Variants in PRDM15 observed in about 807,000 individuals in gnomAD.
PRDM15 encodes the protein PR domain zinc finger protein 15.
PRDM15 carries 64 observed loss-of-function variants against 128.6 expected under a neutral mutation model. The ratio of observed to expected loss-of-function variants is 0.50; its 90% CI spans 0.41 to 0.61. The LOEUF is 0.61. Ranked by LOEUF, PRDM15 falls within the 20% of genes least tolerant of loss-of-function variation. PRDM15 has a pLI of 0.00. For missense variants in PRDM15, 1,242 were observed against 1,569.1 expected (o/e 0.79, Z 3.52); for synonymous variants, 615 against 621.8 (o/e 0.99, Z 0.16).
intron 1 of PRDM15, among the ~76,000 whole-genome samples, chr21:41,878,027 A>C (rs2064483094): frequency 6.6e-6 from 1 of 152,248 alleles, no homozygotes; most frequent in South Asian, 2.1e-4. Context: ...GAAACAAAAT[A>C]CGGTAGTGGT....
chr21:41,861,109 T>A (rs1473666911), intron 1 of PRDM15, among the ~76,000 whole-genome samples: 3 of 152,224 alleles, frequency 2.0e-5, no homozygotes, highest in Non-Finnish European at 4.4e-5. Context: ...GTGCTGGGAT[T>A]ATGGCACAAG....
In PRDM15 at chr21:41,838,001, C is replaced by T. The variant is rs1463061277; in HGVS notation, c.934G>A (p.Glu312Lys). The T allele has an allele frequency of 1.2e-6, 2 of 1,614,086 alleles. No individual in the cohort carries two copies. Among genetic ancestry groups the T allele is most frequent in the Non-Finnish European group, 1.7e-6 (2 of 1,180,018 alleles). The change falls in exon 8 of 24, where the codon GAG (glutamate) becomes AAG (lysine). Residue 312 changes from glutamate (E) to lysine (K), a missense_variant. By Grantham distance (56) the Glu-to-Lys change is moderately conservative. Coordinates refer to ENST00000398548, the MANE Select transcript of PRDM15 (RefSeq NM_001040424.3). ...PDEPVSATPD[E>K]RIMELVLGKL... is the part of the protein sequence containing the mutation. ...CCCAGAACCAGCTCCATGATCCGCT[C>T]ATCTGGCGTTGCACTCACAGGCTCA...
intron 1 of PRDM15, among the ~76,000 whole-genome samples, chr21:41,874,502 C>CATATATATATATATATATATATAT (rs756151491): frequency 8.4e-6 from 1 of 118,686 alleles, no homozygotes; most frequent in African/African-American, 3.1e-5. Context: ...AAGCAGCATG[C>CATATATATATATATATATATATAT]ATATATATAT....
intron 10 of PRDM15, among the ~76,000 whole-genome samples, chr21:41,835,752 C>G (rs916644179): frequency 6.6e-6 from 1 of 151,578 alleles, no homozygotes; most frequent in Admixed American, 6.6e-5. Flanking sequence ...CCAAACACCC[C>G]CATTCTCCTG....
chr21:41,821,224 A>C lies in PRDM15; in HGVS notation c.1903T>G (p.Phe635Val), dbSNP rs2062251161. 6.2e-7 allele frequency: 1 copy of C among 1,614,092 alleles called. No homozygotes were observed. Among genetic ancestry groups the C allele is most frequent in the Non-Finnish European group, 8.5e-7 (1 of 1,180,008 alleles). The change falls in exon 16 of 24, where the codon TTC (phenylalanine) becomes GTC (valine). Residue 635 changes from phenylalanine (F) to valine (V), a missense_variant. Coordinates refer to ENST00000398548, the MANE Select transcript of PRDM15 (RefSeq NM_001040424.3). This position sits in a 1 kb window ranked among gnomAD's most constrained non-coding sequence, Gnocchi z 5.4. ...KYSCKRCQLT[F>V]GRGKEYLKHI... is the part of the protein sequence containing the mutation. ...TTCAGGTACTCCTTCCCCCGGCCGAAGGTGAGCTGCGGGCCAGGTGGACAG... is the reference window on the plus strand; with the variant it reads ...TTCAGGTACTCCTTCCCCCGGCCGACGGTGAGCTGCGGGCCAGGTGGACAG...
intron 1 of PRDM15, chr21:41,871,796 C>T (rs1004497847): frequency 7.8e-6 from 5 of 638,836 alleles, no homozygotes; most frequent in African/African-American, 7.3e-5. Context: ...GTTTCATCAC[C>T]TCTCCAGCAC....
chr21:41,826,205 C>G, intron 12 of PRDM15, 151 bp from the exon 13 acceptor site: 1 of 624,008 alleles, frequency 1.6e-6, no homozygotes, highest in Admixed American at 2.8e-5. Flanking sequence ...TAAGTAACAT[C>G]ACTTGCACAC....
intron 18 of PRDM15, among the ~76,000 whole-genome samples, chr21:41,819,256 C>T (rs548530764): frequency 8.5e-5 from 13 of 152,354 alleles, no homozygotes; most frequent in Middle Eastern, 6.8e-3. Context: ...ATACCTTGGT[C>T]ACATCCCCTT....
intron 11 of PRDM15, chr21:41,834,392 GGT>G: frequency 2.2e-6 from 2 of 927,728 alleles, no homozygotes; most frequent in Non-Finnish European, 3.4e-6. Flanking sequence ...CGCTGCTGCA[GGT>G]GCCCTGTTCT....
intron 11 of PRDM15, 27 bp downstream of exon 11, chr21:41,835,410 G>C (rs370723572): frequency 5.7e-6 from 9 of 1,584,098 alleles, no homozygotes; most frequent in Non-Finnish European, 6.9e-6. Flanking sequence ...CACAGCGGCC[G>C]AGGGGAGACG....
chr21:41,831,642 T>C (rs1329680310), intron 11 of PRDM15, among the ~76,000 whole-genome samples: 2 of 152,170 alleles, frequency 1.3e-5, no homozygotes, highest in Admixed American at 6.5e-5. Flanking sequence ...GGACAAGGCA[T>C]GGCCGACAGC....
chr21:41,861,225 G>A (rs965293614), intron 1 of PRDM15, among the ~76,000 whole-genome samples: 2 of 152,170 alleles, frequency 1.3e-5, no homozygotes, highest in East Asian at 1.9e-4. Flanking sequence ...CTTCTCTGGG[G>A]ACTAAATCAA....
chr21:41,849,699 G>A (rs1472766073), intron 5 of PRDM15, among the ~76,000 whole-genome samples: 3 of 152,252 alleles, frequency 2.0e-5, no homozygotes, highest in Non-Finnish European at 2.9e-5. Context: ...CACTTTGGGA[G>A]GTTGAGGCAG....
In PRDM15 at chr21:41,811,170, T is replaced by G; in HGVS notation, c.2393-334A>C. The G allele has an allele frequency of 3.5e-6, 1 of 287,746 alleles. No individual in the cohort carries two copies. Among genetic ancestry groups the G allele is most frequent in the Non-Finnish European group, 6.8e-6 (1 of 146,594 alleles). The allele number at this position is 287,746 out of a possible 1,614,324, so 17.8% of individuals were successfully genotyped here. A position where few individuals can be genotyped will look rare whatever the true frequency, so the allele number is the denominator to read the frequency against. On this transcript the variant is annotated intron_variant, in intron 19 of 23. Coordinates refer to ENST00000398548, the MANE Select transcript of PRDM15 (RefSeq NM_001040424.3). The surrounding 1 kb of genome is among the most constrained non-coding windows in gnomAD (Gnocchi z 4.1). ...AGCATTAATGTATCCACACCTCCCT[T>G]AGTCCAGGAAGCTCTTAGGCAGCAC...
intron 21 of PRDM15, among the ~76,000 whole-genome samples, chr21:41,807,520 C>T (rs978230440): frequency 6.6e-5 from 10 of 152,182 alleles, no homozygotes; most frequent in African/African-American, 2.2e-4. Flanking sequence ...AAAGCTGACC[C>T]GAGTCCCCTT....
In PRDM15 at chr21:41,821,142, C is replaced by A; in HGVS notation, c.1985G>T (p.Arg662Leu). Residue 662 changes from arginine to leucine, a missense_variant, in exon 16 of 24, where the codon CGC (arginine) becomes CTC (leucine). This residue lies in a region of PRDM15 where 602 missense variants were observed against 788.3 expected (regional missense o/e 0.76). Coordinates refer to ENST00000398548, the MANE Select transcript of PRDM15 (RefSeq NM_001040424.3). The surrounding 1 kb of genome is among the most constrained non-coding windows in gnomAD (Gnocchi z 5.4). ...GTGGTAGGTGGCCTTCAGTGCAAAG[C>A]GCCGGTTGCAGATGCTGCAGCCATA... ...KGYGCSICNR[R>L]FALKATYHAH... The A allele has an allele frequency of 6.2e-7, 1 of 1,614,212 alleles. No homozygotes were observed. The highest frequency in any genetic ancestry group is 8.5e-7 in the Non-Finnish European group (1 of 1,180,038).
Position 41,801,555 on chromosome 21 carries a change from G to T in PRDM15, c.3111C>A (p.Asp1037Glu). The stretch of plus-strand genomic sequence containing the variant: ...CAAAGGTCACGGTCAGGATTGAGTT[G>T]TCCAGCTGTAACTGGCGTTCAGGGG... ...LTTPERQLQL[D>E]NSILTVTFDT... The change falls in exon 24 of 24, where the codon GAC (aspartate) becomes GAA (glutamate). Residue 1037 changes from aspartate to glutamate, a missense_variant. Asp to Glu is a conservative substitution (Grantham distance 45). Around this residue, in one of 3 missense-constraint regions of PRDM15, gnomAD observed 602 missense variants for 788.3 expected, o/e 0.76. Coordinates refer to ENST00000398548, the MANE Select transcript of PRDM15 (RefSeq NM_001040424.3). 1 of 1,614,216 alleles carries T rather than the reference G, an allele frequency of 6.2e-7. No individual in the cohort carries two copies. The highest frequency in any genetic ancestry group is 8.5e-7 in the Non-Finnish European group (1 of 1,180,034).
chr21:41,852,165 T>C (rs913426640), intron 5 of PRDM15, among the ~76,000 whole-genome samples: 6 of 152,250 alleles, frequency 3.9e-5, no homozygotes, highest in African/African-American at 9.6e-5. Flanking sequence ...GAAACACCTG[T>C]AGCTCCAATA....
Position 41,854,858 on chromosome 21 carries a change from C to A in PRDM15, c.286-40G>T. ...GCCCATGGAGAAGCCGGGGAAATGG[C>A]TGATTACCCATCTGTGTATCAGCGT... On this transcript the variant is annotated intron_variant, in intron 4 of 23. Coordinates refer to ENST00000398548, the MANE Select transcript of PRDM15 (RefSeq NM_001040424.3). The surrounding 1 kb of genome is among the most constrained non-coding windows in gnomAD (Gnocchi z 4.6). The A allele has an allele frequency of 6.4e-7, 1 of 1,571,696 alleles. No individual in the cohort carries two copies.
Sources: gnomAD v4.1 joint callset for allele counts (sites outside exome capture counted in the v4.1 genomes callset) on GRCh38, gnomAD v4.1.1 for gene constraint, gnomAD v4.1.1 regional missense constraint, Gnocchi (gnomAD v3.1) non-coding constraint, MANE v1.5 for transcripts, NCBI Gene and HGNC (gene_info 2026-07-23, HGNC 2026-07-21) for gene names.